Variants in RALGPS2 observed in about 807,000 individuals in gnomAD.
RALGPS2 encodes ras-specific guanine nucleotide-releasing factor RalGPS2.
In RALGPS2, 43 loss-of-function variants were observed where a neutral mutation model predicts 86.8. The observed-to-expected ratio is 0.50, with a 90% confidence interval of 0.39 to 0.64. RALGPS2 has a LOEUF of 0.64. Ranked by LOEUF, RALGPS2 falls within the 30% of genes least tolerant of loss-of-function variation. RALGPS2 has a pLI of 0.00. For synonymous variants in RALGPS2, 243 were observed against 231.3 expected, an observed-to-expected ratio of 1.05 and a Z score of -0.46; for missense variants, 536 against 694.6, an observed-to-expected ratio of 0.77 and a Z score of 2.57.
At chr1:178,856,420 T>TTTTTTTTTTTG (rs1558152822) in intron 8 of RALGPS2, among the ~76,000 whole-genome samples, 3 of 120,574 alleles carry the variant, frequency 2.5e-5, no homozygotes, top group African/African-American at 1.0e-4. Context: ...TTTTTTTTTT[T>TTTTTTTTTTTG]TTTTTTGAGA....
intron 19 of RALGPS2, among the ~76,000 whole-genome samples, chr1:178,913,005 G>A (rs955640575): frequency 6.6e-6 from 1 of 152,116 alleles, no homozygotes; most frequent in African/African-American, 2.4e-5. Flanking sequence ...TCCTAGGCTG[G>A]GAGTGGTGGC....
At chr1:178,769,182 A>G (rs941858851) in intron 1 of RALGPS2, among the ~76,000 whole-genome samples, 6 of 152,022 alleles carry the variant, frequency 3.9e-5, no homozygotes, top group South Asian at 4.1e-4. Flanking sequence ...CTGCACCACA[A>G]TATATACCCA....
intron 1 of RALGPS2, among the ~76,000 whole-genome samples, chr1:178,761,733 G>C (rs748678228): frequency 1.3e-5 from 2 of 151,918 alleles, no homozygotes; most frequent in Non-Finnish European, 2.9e-5. Context: ...GCTAATTTTT[G>C]TGTTTTTAGT....
At chr1:178,879,752 G>GCACTC (rs1454325462) in intron 10 of RALGPS2, 1 of 141,452 alleles carries the variant, frequency 7.1e-6, no homozygotes, top group Non-Finnish European at 1.5e-5. Context: ...GTGCACCATT[G>GCACTC]CACTCCAGCC....
At chr1:178,839,724 TAA>T (rs1656483665) in intron 8 of RALGPS2, among the ~76,000 whole-genome samples, 2 of 152,094 alleles carry the variant, frequency 1.3e-5, no homozygotes, top group South Asian at 4.1e-4. Flanking sequence ...GCAAATTGGA[TAA>T]AGAGTGAAGA....
intron 8 of RALGPS2, among the ~76,000 whole-genome samples, chr1:178,862,834 T>C (rs1434973353): frequency 1.3e-5 from 2 of 152,150 alleles, no homozygotes; most frequent in Non-Finnish European, 2.9e-5. Context: ...AATTGGACTT[T>C]TTCTGTTTGC....
At chr1:178,902,063 C>T in intron 17 of RALGPS2, 43 bp from the exon 18 acceptor site, 1 of 1,444,740 alleles carries the variant, frequency 6.9e-7, no homozygotes, top group Non-Finnish European at 9.7e-7. Context: ...CTAGAATAAA[C>T]CATAAATTTT....
chr1:178,735,594 T>C (rs1435631702), intron 1 of RALGPS2, among the ~76,000 whole-genome samples: 10 of 138,806 alleles, frequency 7.2e-5, no homozygotes, highest in Non-Finnish European at 1.4e-4. Flanking sequence ...CAGCTAATTT[T>C]TGTATTCTTT....
chr1:178,783,812 A>C (rs1308986411), intron 2 of RALGPS2, among the ~76,000 whole-genome samples: 13 of 152,154 alleles, frequency 8.5e-5, no homozygotes, highest in Admixed American at 8.5e-4. Context: ...TAAGATTTTC[A>C]GGGCCAAAAT....
chr1:178,831,014 C>G (rs1380665086), intron 7 of RALGPS2, among the ~76,000 whole-genome samples: 2 of 152,196 alleles, frequency 1.3e-5, no homozygotes, highest in South Asian at 4.2e-4. Flanking sequence ...ATGGATGAAG[C>G]TTTAATATCA....
At chr1:178,760,163 C>A (rs546001861) in intron 1 of RALGPS2, among the ~76,000 whole-genome samples, 2 of 152,210 alleles carry the variant, frequency 1.3e-5, no homozygotes, top group South Asian at 4.2e-4. Context: ...TGTTCCAGAT[C>A]ATATTGTATG....
chr1:178,818,640 A>C (rs1161822578), intron 6 of RALGPS2, among the ~76,000 whole-genome samples: 2 of 150,300 alleles, frequency 1.3e-5, no homozygotes, highest in Non-Finnish European at 2.9e-5. Flanking sequence ...CACAGAGCCA[A>C]CTCTAGGTTT....
chr1:178,806,651 A>G (rs967645723), intron 4 of RALGPS2, among the ~76,000 whole-genome samples: 4 of 151,952 alleles, frequency 2.6e-5, no homozygotes, highest in Non-Finnish European at 5.9e-5. Flanking sequence ...ATTTCTTTTT[A>G]TATATCCTCC....
intron 1 of RALGPS2, among the ~76,000 whole-genome samples, chr1:178,761,523 G>A (rs957332717): frequency 6.6e-6 from 1 of 151,924 alleles, no homozygotes; most frequent in Admixed American, 6.6e-5. Flanking sequence ...CTTCTGTTTG[G>A]TTCAGTTTAT....
rs1311004538 is a variant in RALGPS2 at position 178,921,405 on chromosome 1, T to G, written c.*5046T>G. The G allele has an allele frequency of 6.6e-6, 1 of 151,556 alleles. No individual in the cohort carries two copies. The highest frequency in any genetic ancestry group is 1.9e-4 in the East Asian group (1 of 5,170). 9.4% of individuals were successfully genotyped at this position (151,556 alleles called of 1,614,324 possible). On this transcript the variant is annotated 3_prime_UTR_variant, in exon 20 of 20. Coordinates refer to ENST00000367635, the MANE Select transcript of RALGPS2 (RefSeq NM_152663.5). The stretch of plus-strand genomic sequence containing the variant: ...ATATATAGTCCAATAATTACTGACT[T>G]AATAGGTATGGTAAAATAGCTGATA...
chr1:178,744,075 AT>A (rs1651177506), intron 1 of RALGPS2, among the ~76,000 whole-genome samples: 1 of 152,218 alleles, frequency 6.6e-6, no homozygotes, highest in Admixed American at 6.5e-5. Flanking sequence ...CTACACAGAA[AT>A]AACTCACATG....
intron 1 of RALGPS2, among the ~76,000 whole-genome samples, chr1:178,758,209 C>T (rs1441028882): frequency 6.6e-6 from 1 of 151,928 alleles, no homozygotes; most frequent in Non-Finnish European, 1.5e-5. Flanking sequence ...CTGTTAATCT[C>T]ATATAACCTT....
At chr1:178,765,751 G>T (rs548090974) in intron 1 of RALGPS2, among the ~76,000 whole-genome samples, 2 of 152,278 alleles carry the variant, frequency 1.3e-5, no homozygotes, top group South Asian at 4.1e-4. Context: ...CCATTTCAGA[G>T]ATCTCCCTTT....
chr1:178,809,340 TG>T (rs1654873971), intron 5 of RALGPS2, among the ~76,000 whole-genome samples: 1 of 151,720 alleles, frequency 6.6e-6, no homozygotes, highest in Non-Finnish European at 1.5e-5. Flanking sequence ...AGCGGAGAGG[TG>T]TGAGGCCTTG....
Sources: gnomAD v4.1 joint callset for allele counts (sites outside exome capture counted in the v4.1 genomes callset) on GRCh38, gnomAD v4.1.1 for gene constraint, MANE v1.5 for transcripts, NCBI Gene and HGNC (gene_info 2026-07-23, HGNC 2026-07-21) for gene names.